Variants in PRDM16 observed in about 807,000 individuals in gnomAD.
The protein encoded by PRDM16 is histone-lysine N-methyltransferase PRDM16.
PRDM16 carries 23 observed loss-of-function variants against 110.6 expected under a neutral mutation model. The observed-to-expected ratio is 0.21, with a 90% confidence interval of 0.15 to 0.29. The LOEUF (loss-of-function observed/expected upper bound fraction) is 0.29. Ranked by LOEUF, PRDM16 falls within the 10% of genes least tolerant of loss-of-function variation. PRDM16 has a pLI of 1.00. For synonymous variants in PRDM16, 799 were observed against 781.8 expected, an observed-to-expected ratio of 1.02 and a Z score of -0.37; for missense variants, 1,615 against 1,794.3, an observed-to-expected ratio of 0.90 and a Z score of 1.81.
At chr1:3,291,980 C>CTCAA (rs1640982444) in intron 3 of PRDM16, among the ~76,000 whole-genome samples, 1 of 152,232 alleles carries the variant, frequency 6.6e-6, no homozygotes. Context: ...GGGGCCTACC[C>CTCAA]GGTGCCTGGC....
chr1:3,387,201 G>GCCGACTTCCTCCAAAGCT (rs1643214966), intron 4 of PRDM16, among the ~76,000 whole-genome samples: 2 of 152,108 alleles, frequency 1.3e-5, no homozygotes, highest in South Asian at 4.1e-4. Context: ...ATCCCACAGT[G>GCCGACTTCCTCCAAAGCT]CCGACTTCCT....
chr1:3,087,033 C>A (rs1642166714), intron 1 of PRDM16, among the ~76,000 whole-genome samples: 1 of 152,240 alleles, frequency 6.6e-6, no homozygotes, highest in Non-Finnish European at 1.5e-5. Context: ...CTCAGGCCAA[C>A]AGCGACATGC....
At chr1:3,076,205 A>G (rs1302832085) in intron 1 of PRDM16, among the ~76,000 whole-genome samples, 1 of 152,158 alleles carries the variant, frequency 6.6e-6, no homozygotes, top group Non-Finnish European at 1.5e-5. Flanking sequence ...GGTGTGTCCA[A>G]GCACGTGTGT....
intron 1 of PRDM16, among the ~76,000 whole-genome samples, chr1:3,137,989 G>A (rs1346227102): frequency 6.6e-6 from 1 of 152,228 alleles, no homozygotes; most frequent in East Asian, 1.9e-4. Context: ...TGGGCCAAGG[G>A]GCTCGGAGGG....
chr1:3,204,147 G>C (rs1364546406), intron 2 of PRDM16, among the ~76,000 whole-genome samples: 1 of 152,216 alleles, frequency 6.6e-6, no homozygotes, highest in Non-Finnish European at 1.5e-5. Context: ...GGCGTTTTTA[G>C]CCAATTCCAG....
chr1:3,184,773 G>C (rs1274726487), intron 1 of PRDM16, among the ~76,000 whole-genome samples: 2 of 152,190 alleles, frequency 1.3e-5, no homozygotes, highest in African/African-American at 2.4e-5. Flanking sequence ...GGCCTGTGCT[G>C]GATGAGTCGT....
At chr1:3,180,997 A>ATCTTACACGCGGTCTTACAAATGCGG (rs1410038198) in intron 1 of PRDM16, among the ~76,000 whole-genome samples, 4 of 114,814 alleles carry the variant, frequency 3.5e-5, no homozygotes, top group East Asian at 2.8e-4. Flanking sequence ...CTTACACACG[A>ATCTTACACGCGGTCTTACAAATGCGG]TCTTACACGC....
intron 3 of PRDM16, among the ~76,000 whole-genome samples, chr1:3,377,307 A>G (rs940441801): frequency 2.0e-5 from 3 of 152,138 alleles, no homozygotes; most frequent in Admixed American, 6.5e-5. Context: ...TCCTCCCTGC[A>G]TGCTCAGAAT....
At chr1:3,355,267 C>T (rs1570124351) in intron 3 of PRDM16, among the ~76,000 whole-genome samples, 1 of 152,058 alleles carries the variant, frequency 6.6e-6, no homozygotes, top group Admixed American at 6.5e-5. Flanking sequence ...AGAGTGGAGG[C>T]CTCCGGGGTA....
chr1:3,129,878 T>C (rs1203472758), intron 1 of PRDM16, among the ~76,000 whole-genome samples: 1 of 152,148 alleles, frequency 6.6e-6, no homozygotes, highest in Non-Finnish European at 1.5e-5. Context: ...TCTCTCAGTC[T>C]CTCTCTCTCC....
intron 1 of PRDM16, among the ~76,000 whole-genome samples, chr1:3,111,528 G>T (rs1479909033): frequency 6.8e-6 from 1 of 145,996 alleles, no homozygotes; most frequent in African/African-American, 2.6e-5. Flanking sequence ...GGGAAGGGGA[G>T]AGCGGAGGGA....
chr1:3,300,458 C>A (rs1224413117), intron 3 of PRDM16, among the ~76,000 whole-genome samples: 4 of 146,406 alleles, frequency 2.7e-5, no homozygotes, highest in African/African-American at 7.6e-5. Context: ...ATGCTGTGGC[C>A]GTGATGTTTC....
At position 3,426,068 on chromosome 1, in the gene PRDM16, G is replaced by A. The variant is rs1569774498; in HGVS notation, c.3127G>A (p.Val1043Ile). 1.9e-6 allele frequency: 3 copies of A among 1,613,500 alleles called. No homozygotes were observed. The highest frequency in any genetic ancestry group is 4.5e-5 in the East Asian group (2 of 44,868). ...CTCCGCAGTGAGCCAGCACCCCGGG[G>A]TCCTCACGAACCACCTGGGGACCAG... is the stretch of plus-strand genomic sequence containing the variant. ...ENAPVSQHPG[V>I]LTNHLGTSAS... The change falls in exon 14 of 17, where the codon GTC becomes ATC. Residue 1043 changes from valine (V) to isoleucine (I), a missense_variant. This residue lies in a region of PRDM16 where 327 missense variants were observed against 359.3 expected (regional missense o/e 0.91). Coordinates refer to ENST00000270722, the MANE Select transcript of PRDM16 (RefSeq NM_022114.4).
intron 10 of PRDM16, among the ~76,000 whole-genome samples, chr1:3,415,756 C>T (rs574692137): frequency 5.3e-5 from 8 of 152,348 alleles, no homozygotes; most frequent in Admixed American, 1.3e-4. Context: ...CTGCCACCCC[C>T]GCTGCCTGTC....
chr1:3,087,575 T>C lies in PRDM16; in HGVS notation c.37+18279T>C, dbSNP rs372730917. Reference sequence around the variant, plus strand: ...GGAGTTTTTAGATCATAGGAGGAGATTGAAACCAACTTTGATTTCCCTATC... The same window carrying C: ...GGAGTTTTTAGATCATAGGAGGAGACTGAAACCAACTTTGATTTCCCTATC... On this transcript the variant is annotated intron_variant, in intron 1 of 16. Transcript: ENST00000270722. Among the ~76,000 whole-genome samples the C allele has an allele frequency of 1.2e-4, 19 of 152,262 alleles. 1 individual carries two copies. The East Asian group carries it at 2.9e-3, about 23-fold the overall frequency.
At chr1:3,392,493 C>T (rs1206721424) in intron 4 of PRDM16, among the ~76,000 whole-genome samples, 2 of 152,204 alleles carry the variant, frequency 1.3e-5, no homozygotes, top group African/African-American at 4.8e-5. Flanking sequence ...CGGTGATTCC[C>T]ACCTGGTGGA....
chr1:3,385,191 G>A lies in PRDM16; in HGVS notation c.478G>A (p.Ala160Thr), dbSNP rs758553737. 3.1e-6 allele frequency: 5 copies of A among 1,613,648 alleles called. No homozygotes were observed. Among genetic ancestry groups the A allele is most frequent in the Non-Finnish European group, 4.2e-6 (5 of 1,180,036 alleles). ...GGGCAGTGAGAAGTTCTGCGTGGAT[G>A]CAAATCAGGCGGGGGCTGGCAGCTG... ...DLGSEKFCVD[A>T]NQAGAGSWLK... Residue 160 changes from alanine to threonine, a missense_variant, in exon 4 of 17, where the codon GCA becomes ACA. By Grantham distance (58) the Ala-to-Thr change is moderately conservative. Transcript: ENST00000270722.
chr1:3,339,329 C>T lies in PRDM16; in HGVS notation c.439-45823C>T, dbSNP rs1297027952. 3.3e-5 allele frequency among the ~76,000 whole-genome samples: 5 copies of T among 152,108 alleles called. No individual in the cohort carries two copies. On this transcript the variant is annotated intron_variant, in intron 3 of 16. Coordinates refer to ENST00000270722, the MANE Select transcript of PRDM16 (RefSeq NM_022114.4). This position sits in a 1 kb window ranked among gnomAD's most constrained non-coding sequence, Gnocchi z 5.0. Reference sequence around the variant, plus strand: ...CCTGGCCCTTGCCCAGGGTGAGGCACAGGGTGGGCCTCCGCGCATCCGTGC... The same window carrying T: ...CCTGGCCCTTGCCCAGGGTGAGGCATAGGGTGGGCCTCCGCGCATCCGTGC...
At chr1:3,202,953 A>G (rs113382454) in intron 2 of PRDM16, among the ~76,000 whole-genome samples, 2 of 152,202 alleles carry the variant, frequency 1.3e-5, no homozygotes, top group Non-Finnish European at 2.9e-5. Flanking sequence ...GTGTGGGGGA[A>G]GGAGTTTTCT....
Sources: gnomAD v4.1 joint callset for allele counts (sites outside exome capture counted in the v4.1 genomes callset) on GRCh38, gnomAD v4.1.1 for gene constraint, gnomAD v4.1.1 regional missense constraint, Gnocchi (gnomAD v3.1) non-coding constraint, MANE v1.5 for transcripts, NCBI Gene and HGNC (gene_info 2026-07-23, HGNC 2026-07-21) for gene names.